Variants in FBXL5 observed in about 807,000 individuals in gnomAD.
FBXL5 encodes the protein F-box and leucine rich repeat protein 5, also known as F-box/LRR-repeat protein 5.
Under a neutral mutation model 78.3 loss-of-function variants are expected in FBXL5, and 26 were observed. That is an observed-to-expected ratio of 0.33 (90% CI 0.24 to 0.46). The LOEUF is 0.46. FBXL5 is among the 20% of genes least tolerant of loss of function. The pLI is 1.00. For synonymous variants in FBXL5, 295 were observed against 282.5 expected (o/e 1.04, Z -0.45); for missense variants, 710 against 829.2 (o/e 0.86, Z 1.77).
chr4:15,612,112 G>A (rs140902587), intron 10 of FBXL5, 154 bp downstream of exon 10: 4 of 574,630 alleles, frequency 7.0e-6, no homozygotes, highest in African/African-American at 2.0e-5. Flanking sequence ...TAATGAAAAT[G>A]TAATTTTAAA....
chr4:15,640,850 G>C lies in FBXL5; in HGVS notation c.334C>G (p.Leu112Val). The C allele has an allele frequency of 6.4e-7, 1 of 1,555,952 alleles. No individual in the cohort carries two copies. Among genetic ancestry groups the C allele is most frequent in the South Asian group, 1.2e-5 (1 of 81,562 alleles). Reference protein sequence around the residue: ...EYEQLNYAKQLKERLEAFTRD... With the variant: ...EYEQLNYAKQVKERLEAFTRD... ...GTAAAAGCCTCCAATCTCTCTTTCA[G>C]TTGTTTTGCATAATTTAACTGTTCA... The change falls in exon 3 of 11, where the codon CTG becomes GTG. Residue 112 changes from leucine to valine, a missense_variant. Leu to Val is a conservative substitution (Grantham distance 32). Around this residue, in one of 4 missense-constraint regions of FBXL5, gnomAD observed 132 missense variants for 156.9 expected, o/e 0.84. Coordinates refer to ENST00000341285, the MANE Select transcript of FBXL5 (RefSeq NM_012161.4).
chr4:15,660,880 C>A (rs1332586815), upstream of FBXL5, among the ~76,000 whole-genome samples: 1 of 152,014 alleles, frequency 6.6e-6, no homozygotes, highest in Admixed American at 6.6e-5. Context: ...AGTTTGAAAC[C>A]AACCTGGGCA....
chr4:15,610,179 A>G (rs370895521), intron 10 of FBXL5, among the ~76,000 whole-genome samples: 12 of 152,214 alleles, frequency 7.9e-5, no homozygotes, highest in Middle Eastern at 3.4e-3. Flanking sequence ...GTTTTGAAAG[A>G]TACTGGAACA....
At chr4:15,680,826 A>G (rs1331788073) in intron 1 of FBXL5, among the ~76,000 whole-genome samples, 1 of 151,486 alleles carries the variant, frequency 6.6e-6, no homozygotes, top group Non-Finnish European at 1.5e-5. Context: ...TGTATCTAAC[A>G]TGTTTCCCTG....
intron 1 of FBXL5, among the ~76,000 whole-genome samples, chr4:15,645,843 T>A (rs958102601): frequency 3.3e-5 from 5 of 152,250 alleles, no homozygotes; most frequent in Non-Finnish European, 5.9e-5. Flanking sequence ...GAAAATTAAA[T>A]ATTCATTTTT....
intron 4 of FBXL5, 106 bp downstream of exon 4, chr4:15,638,402 G>T: frequency 1.5e-6 from 1 of 689,280 alleles, no homozygotes; most frequent in Non-Finnish European, 2.3e-6. Context: ...TGACCACAGT[G>T]CAGGCCTAAC....
At chr4:15,634,510 G>A (rs1032211783) in intron 5 of FBXL5, among the ~76,000 whole-genome samples, 6 of 152,004 alleles carry the variant, frequency 3.9e-5, no homozygotes, top group Non-Finnish European at 8.8e-5. Flanking sequence ...GGGATTACAG[G>A]TGCCTGCCAC....
chr4:15,679,432 C>T (rs1718118583), intron 1 of FBXL5, among the ~76,000 whole-genome samples: 1 of 151,916 alleles, frequency 6.6e-6, no homozygotes, highest in South Asian at 2.1e-4. Context: ...AATATTTACC[C>T]AAGTCTCTTG....
chr4:15,618,271 G>GTATTCCCAACTACACTTT (rs1187446561), intron 9 of FBXL5, among the ~76,000 whole-genome samples: 5 of 152,176 alleles, frequency 3.3e-5, no homozygotes, highest in Admixed American at 1.3e-4. Flanking sequence ...GTGCATGCCT[G>GTATTCCCAACTACACTTT]TATTCCCAAC....
chr4:15,615,631 T>C (rs1711760481), intron 9 of FBXL5, among the ~76,000 whole-genome samples: 1 of 148,448 alleles, frequency 6.7e-6, no homozygotes, highest in African/African-American at 2.5e-5. Flanking sequence ...GGTTTGTGAA[T>C]GCACCAATCG....
At chr4:15,646,683 C>T (rs759548480) in intron 1 of FBXL5, among the ~76,000 whole-genome samples, 86 of 150,376 alleles carry the variant, frequency 5.7e-4, no homozygotes, top group Non-Finnish European at 1.2e-3. Flanking sequence ...TCTCCCAATG[C>T]TATCCCTCCC....
intron 10 of FBXL5, among the ~76,000 whole-genome samples, chr4:15,610,822 T>A (rs1722201948): frequency 1.3e-5 from 2 of 152,030 alleles, no homozygotes; most frequent in South Asian, 4.1e-4. Context: ...AAATGCAACA[T>A]ACAAATAAAA....
In FBXL5 at chr4:15,626,926, G is replaced by A. The variant is rs768124492; in HGVS notation, c.1071C>T (p.Asn357=). Residue 357 remains asparagine (N), a synonymous_variant, in exon 8 of 11, where the codon AAC becomes AAT. Transcript: ENST00000341285. Reference sequence around the variant, plus strand: ...TCTGGGTAAGATCCAGATGCTCCAGGTTAGGACAAAGCTCTAAAATCTGCC... The same window carrying A: ...TCTGGGTAAGATCCAGATGCTCCAGATTAGGACAAAGCTCTAAAATCTGCC... The part of the protein sequence containing the change: ...MVRQILELCP[N]LEHLDLTQTD... 8.1e-6 allele frequency: 13 copies of A among 1,611,728 alleles called. No individual in the cohort carries two copies. Among genetic ancestry groups the A allele is most frequent in the Non-Finnish European group, 1.1e-5 (13 of 1,178,932 alleles).
intron 1 of FBXL5, among the ~76,000 whole-genome samples, chr4:15,649,453 G>C (rs557783703): frequency 6.6e-6 from 1 of 151,574 alleles, no homozygotes; most frequent in Admixed American, 6.6e-5. Context: ...GTTAGCACAC[G>C]CCTGTAGACC....
intron 1 of FBXL5, among the ~76,000 whole-genome samples, chr4:15,647,437 T>C (rs1181797334): frequency 2.0e-5 from 3 of 152,060 alleles, no homozygotes; most frequent in African/African-American, 7.2e-5. Flanking sequence ...TCTATGGAGT[T>C]TGGTATTCAT....
At chr4:15,657,059 G>A (rs1190483168), upstream of FBXL5, among the ~76,000 whole-genome samples, 1 of 152,172 alleles carries the variant, frequency 6.6e-6, no homozygotes, top group African/African-American at 2.4e-5. Context: ...ATTTGATAAA[G>A]ATTAATTTCT....
chr4:15,638,572 T>A lies in FBXL5; in HGVS notation c.519A>T (p.Leu173=). 1 of 1,608,402 alleles carries A rather than the reference T, an allele frequency of 6.2e-7. No homozygotes were observed. Among genetic ancestry groups the A allele is most frequent in the East Asian group, 2.2e-5 (1 of 44,784 alleles). The change falls in exon 4 of 11, where the codon CTA becomes CTT. Residue 173 remains leucine (L), a synonymous_variant. Transcript: ENST00000341285. The stretch of plus-strand genomic sequence containing the variant: ...TCTGTCGCTCTTCAGCATGATTCCA[T>A]AGGCTAAGACCTCTAAGGAGTTCTG... The part of the protein sequence containing the change: ...DTAELLRGLS[L]WNHAEERQKF...
intron 6 of FBXL5, among the ~76,000 whole-genome samples, chr4:15,629,394 C>T (rs1713395784): frequency 1.3e-5 from 2 of 152,124 alleles, no homozygotes; most frequent in Admixed American, 1.3e-4. Context: ...TCCTTCAGGT[C>T]TTTACTCAAA....
chr4:15,657,825 A>G (rs1405092214), upstream of FBXL5, among the ~76,000 whole-genome samples: 1 of 152,222 alleles, frequency 6.6e-6, no homozygotes, highest in Non-Finnish European at 1.5e-5. Flanking sequence ...TACTGCAACT[A>G]CAGCAGATTT....
Sources: gnomAD v4.1 joint callset for allele counts (sites outside exome capture counted in the v4.1 genomes callset) on GRCh38, gnomAD v4.1.1 for gene constraint, gnomAD v4.1.1 regional missense constraint, MANE v1.5 for transcripts, NCBI Gene and HGNC (gene_info 2026-07-23, HGNC 2026-07-21) for gene names.